Variants in EYA1 observed in about 807,000 individuals in gnomAD.
EYA1 encodes EYA transcriptional coactivator and phosphatase 1.
In EYA1, 16 loss-of-function variants were observed where a neutral mutation model predicts 82.0. The ratio of observed to expected loss-of-function variants is 0.20; its 90% CI spans 0.13 to 0.30. The LOEUF (loss-of-function observed/expected upper bound fraction) is 0.30, where lower values mean the gene tolerates loss of function less well. Among genes scored for constraint, EYA1 ranks in the 10% least tolerant of loss-of-function variants. The pLI is 1.00. For synonymous variants in EYA1, 261 were observed against 264.4 expected, an observed-to-expected ratio of 0.99 and a Z score of 0.12; for missense variants, 633 against 730.7, an observed-to-expected ratio of 0.87 and a Z score of 1.54.
At chr8:71,448,123 T>C (rs553847289) in intron 2 of EYA1, among the ~76,000 whole-genome samples, 4 of 149,452 alleles carry the variant, frequency 2.7e-5, no homozygotes, top group African/African-American at 9.8e-5. Context: ...TCAGCCTCCC[T>C]AGCAGCTGGT....
intron 12 of EYA1, among the ~76,000 whole-genome samples, chr8:71,238,459 A>G (rs528588647): frequency 6.6e-6 from 1 of 152,164 alleles, no homozygotes; most frequent in Non-Finnish European, 1.5e-5. Context: ...AATGAGAAAG[A>G]AAGACATCTC....
intron 2 of EYA1, among the ~76,000 whole-genome samples, chr8:71,390,093 C>T (rs1277775266): frequency 6.6e-6 from 1 of 151,926 alleles, no homozygotes; most frequent in East Asian, 1.9e-4. Flanking sequence ...GATTTCCTTA[C>T]GTTAAATCTT....
intron 6 of EYA1, among the ~76,000 whole-genome samples, chr8:71,321,459 C>T (rs538616020): frequency 1.3e-5 from 2 of 152,312 alleles, no homozygotes; most frequent in South Asian, 4.1e-4. Context: ...GAGCCCAGTG[C>T]TCAAATGGCA....
intron 2 of EYA1, among the ~76,000 whole-genome samples, chr8:71,395,015 G>T (rs577799861): frequency 6.6e-6 from 1 of 152,294 alleles, no homozygotes; most frequent in East Asian, 1.9e-4. Context: ...CACATCCCTT[G>T]TAAGGTGGAT....
At chr8:71,392,302 T>C (rs932178622) in intron 2 of EYA1, among the ~76,000 whole-genome samples, 6 of 152,294 alleles carry the variant, frequency 3.9e-5, no homozygotes, top group African/African-American at 1.2e-4. Flanking sequence ...TCTAGTTTCA[T>C]GTCCAAAAAG....
chr8:71,453,492 A>G (rs1434489156), intron 2 of EYA1, among the ~76,000 whole-genome samples: 2 of 152,234 alleles, frequency 1.3e-5, no homozygotes, highest in African/African-American at 4.8e-5. Flanking sequence ...GTTGAAATGA[A>G]GGAAAAAATG....
intron 2 of EYA1, among the ~76,000 whole-genome samples, chr8:71,520,214 C>A (rs565239249): frequency 6.7e-6 from 1 of 149,364 alleles, no homozygotes; most frequent in Non-Finnish European, 1.5e-5. Flanking sequence ...CCCTCATTGG[C>A]CCCCCCCTCC....
At chr8:71,422,205 T>A (rs1831183693) in intron 2 of EYA1, among the ~76,000 whole-genome samples, 1 of 152,236 alleles carries the variant, frequency 6.6e-6, no homozygotes, top group Non-Finnish European at 1.5e-5. Context: ...ATATATTTTG[T>A]CTTGTTTTGT....
At chr8:71,285,769 C>T (rs1404571052) in intron 9 of EYA1, among the ~76,000 whole-genome samples, 1 of 152,156 alleles carries the variant, frequency 6.6e-6, no homozygotes, top group Non-Finnish European at 1.5e-5. Flanking sequence ...GCTTCCTGAG[C>T]ATGTCTGTTC....
At chr8:71,224,590 T>C (rs955061508) in intron 12 of EYA1, among the ~76,000 whole-genome samples, 12 of 152,234 alleles carry the variant, frequency 7.9e-5, no homozygotes, top group African/African-American at 2.7e-4. Context: ...AATGTGAAAA[T>C]GTTTATTTAT....
intron 7 of EYA1, among the ~76,000 whole-genome samples, chr8:71,303,192 C>A (rs140661706): frequency 7.1e-6 from 1 of 141,722 alleles, no homozygotes; most frequent in African/African-American, 2.5e-5. Flanking sequence ...CTCCCTGAAT[C>A]CCCATTCTCT....
chr8:71,208,728 TAAAAA>T (rs570917722), intron 17 of EYA1, among the ~76,000 whole-genome samples: 2 of 115,250 alleles, frequency 1.7e-5, no homozygotes, highest in African/African-American at 9.3e-5. Flanking sequence ...TAAAGTATAA[TAAAAA>T]AAAGAAAAAA....
chr8:71,232,317 G>A (rs1343401744), intron 12 of EYA1, among the ~76,000 whole-genome samples: 4 of 152,206 alleles, frequency 2.6e-5, no homozygotes, highest in Non-Finnish European at 2.9e-5. Flanking sequence ...CTGAGAAGGG[G>A]AGGCTCTGCT....
chr8:71,322,151 A>C (rs1822634292), intron 5 of EYA1, 48 bp downstream of exon 5: 1 of 1,456,654 alleles, frequency 6.9e-7, no homozygotes, highest in Admixed American at 1.7e-5. Flanking sequence ...AATAAATAAA[A>C]GTCTACTCAG....
intron 2 of EYA1, among the ~76,000 whole-genome samples, chr8:71,495,670 A>G (rs1811360541): frequency 6.6e-6 from 1 of 152,178 alleles, no homozygotes; most frequent in Admixed American, 6.5e-5. Flanking sequence ...GGAACTACTT[A>G]TATCTTATAT....
rs561445212 is a variant in EYA1, at chr8:71,513,081, T to G, written c.33+22663A>C. Among the ~76,000 whole-genome samples, 5 of 152,270 alleles carry G rather than the reference T, an allele frequency of 3.3e-5. No individual in the cohort carries two copies. The East Asian group carries it at 7.7e-4, about 23-fold the overall frequency. The stretch of plus-strand genomic sequence containing the variant: ...AAAGTGAGACTCAATGATCTTATAT[T>G]CCTCCAAGGTGCCTTTTAAGTATGA... On this transcript the variant is annotated intron_variant, in intron 2 of 18. Coordinates refer to the EYA1 transcript ENST00000643681.
chr8:71,342,312 C>G (rs769781291), intron 3 of EYA1, among the ~76,000 whole-genome samples: 3 of 152,172 alleles, frequency 2.0e-5, no homozygotes, highest in African/African-American at 7.2e-5. Context: ...TATCTACTAT[C>G]AATTCCTTCT....
intron 9 of EYA1, among the ~76,000 whole-genome samples, chr8:71,281,179 C>A (rs962858172): frequency 4.6e-5 from 7 of 151,946 alleles, no homozygotes. Flanking sequence ...TCTACCCATA[C>A]TACTCTTTAC....
At chr8:71,315,130 GT>G (rs545889804) in intron 7 of EYA1, among the ~76,000 whole-genome samples, 1 of 151,954 alleles carries the variant, frequency 6.6e-6, no homozygotes, top group Non-Finnish European at 1.5e-5. Context: ...TCCAGGATTG[GT>G]TTTTTCCTCC....
Sources: allele counts gnomAD v4.1 joint callset (sites outside exome capture counted in the v4.1 genomes callset), GRCh38; gene constraint gnomAD v4.1.1; transcripts MANE v1.5; gene names NCBI Gene and HGNC (gene_info 2026-07-23, HGNC 2026-07-21).